Variants in BRD4 observed in about 807,000 individuals in gnomAD.
The protein encoded by BRD4 is bromodomain-containing protein 4.
In BRD4, 16 loss-of-function variants were observed where a neutral mutation model predicts 142.1. The observed-to-expected ratio is 0.11, with a 90% CI of 0.08 to 0.17. The LOEUF (loss-of-function observed/expected upper bound fraction) is 0.17, where lower values mean the gene tolerates loss of function less well. Ranked by LOEUF, BRD4 falls within the 10% of genes least tolerant of loss-of-function variation. BRD4 has a pLI of 1.00. For synonymous variants in BRD4, 833 were observed against 707.5 expected (o/e 1.18, Z -2.82); for missense variants, 1,424 against 1,810.9 (o/e 0.79, Z 3.88).
Position 15,239,745 on chromosome 19 carries a change from A to C in BRD4, c.3359T>G (p.Ile1120Ser). Residue 1120 changes from isoleucine (I) to serine (S), a missense_variant, in exon 16 of 20, where the codon ATC becomes AGC. Coordinates refer to ENST00000679869, the MANE Select transcript of BRD4 (RefSeq NM_001379291.1). The surrounding 1 kb of genome is among the most constrained non-coding windows in gnomAD (Gnocchi z 7.4). ...CGAGGGGCTGAAGGGCTCGCTGCGG[A>C]TGATGGGTGAGTGGATCTTCTCCTC... ...VKEEKIHSPI[I>S]RSEPFSPSLR... 1 of 1,608,262 alleles carries C rather than the reference A, an allele frequency of 6.2e-7. No homozygotes were observed. Among genetic ancestry groups the C allele is most frequent in the Non-Finnish European group, 8.5e-7 (1 of 1,179,710 alleles).
At chr19:15,264,910 G>A in intron 5 of BRD4, 144 bp from the exon 6 acceptor site, 1 of 1,315,838 alleles carries the variant, frequency 7.6e-7, no homozygotes, top group Non-Finnish European at 1.0e-6. Flanking sequence ...CAGGCAAAGG[G>A]CCAAGGACAG....
rs980573313 is a variant in BRD4 at position 15,280,176 on chromosome 19, G to A, written c.-34-7043C>T. On this transcript the variant is annotated intron_variant, in intron 1 of 19. Coordinates refer to ENST00000679869, the MANE Select transcript of BRD4 (RefSeq NM_001379291.1). ...TCATCATCATCCCCATGGGGACAGA[G>A]GCAGAGTGGATGGTGGCCTGGTTGG... The A allele has an allele frequency of 7.0e-6, 6 of 855,470 alleles. No individual in the cohort carries two copies. The African/African-American group carries it at 7.3e-5, about 10-fold the overall frequency. 53.0% of individuals were successfully genotyped at this position (855,470 alleles called of 1,614,324 possible). A position where few individuals can be genotyped will look rare whatever the true frequency, so the allele number is the denominator to read the frequency against.
chr19:15,246,949 G>T (rs567362636), intron 11 of BRD4: 1 of 176,698 alleles, frequency 5.7e-6, no homozygotes. Flanking sequence ...TTGTGTCAGA[G>T]TTACCAGTAA....
At chr19:15,325,256 GC>G (rs2048097443) in intron 1 of BRD4, among the ~76,000 whole-genome samples, 1 of 152,218 alleles carries the variant, frequency 6.6e-6, no homozygotes, top group Non-Finnish European at 1.5e-5. Flanking sequence ...AGGTAGCAGG[GC>G]CAGGATTCTA....
At chr19:15,262,475 G>A (rs10415291) in intron 7 of BRD4, among the ~76,000 whole-genome samples, 1,756 of 146,832 alleles carry the variant, frequency 0.012, 32 homozygotes, top group African/African-American at 0.042. Flanking sequence ...GATCACTTAA[G>A]CCCAGGGGTT....
At chr19:15,328,146 G>A (rs1007563481) in intron 1 of BRD4, among the ~76,000 whole-genome samples, 11 of 152,082 alleles carry the variant, frequency 7.2e-5, no homozygotes, top group African/African-American at 2.4e-5. Flanking sequence ...TAAAGACTAC[G>A]CATATTAAAG....
chr19:15,331,596 C>G (rs1327024719), intron 1 of BRD4, among the ~76,000 whole-genome samples: 1 of 152,210 alleles, frequency 6.6e-6, no homozygotes, highest in Non-Finnish European at 1.5e-5. Context: ...GACCGGCGTG[C>G]AGCCGCAGCC....
intron 7 of BRD4, among the ~76,000 whole-genome samples, chr19:15,259,394 T>C (rs1251925643): frequency 6.6e-6 from 1 of 152,182 alleles, no homozygotes; most frequent in Non-Finnish European, 1.5e-5. Flanking sequence ...GTGATGACTG[T>C]TGGGTAAATG....
intron 1 of BRD4, among the ~76,000 whole-genome samples, chr19:15,328,498 A>G (rs1025864909): frequency 6.6e-6 from 1 of 152,194 alleles, no homozygotes; most frequent in East Asian, 1.9e-4. Flanking sequence ...GCTCGGACTA[A>G]TAAGTTTACT....
chr19:15,251,946 AGAGCCTGG>A (rs962488012), intron 11 of BRD4, among the ~76,000 whole-genome samples: 71 of 152,354 alleles, frequency 4.7e-4, no homozygotes, highest in Non-Finnish European at 9.0e-4. Flanking sequence ...CTGGACCGCC[AGAGCCTGG>A]GAGCCTGGGA....
chr19:15,300,056 C>A (rs2047854872), intron 1 of BRD4, among the ~76,000 whole-genome samples: 1 of 151,874 alleles, frequency 6.6e-6, no homozygotes, highest in Non-Finnish European at 1.5e-5. Context: ...ACCAACTGGA[C>A]AACATAGTGA....
chr19:15,263,458 G>C lies in BRD4; in HGVS notation c.1303C>G (p.Pro435Ala), dbSNP rs1261919101. The change falls in exon 7 of 20, where the codon CCT becomes GCT. Residue 435 changes from proline (P) to alanine (A), a missense_variant. Pro to Ala is a conservative substitution (Grantham distance 27, BLOSUM62 -1). Coordinates refer to ENST00000679869, the MANE Select transcript of BRD4 (RefSeq NM_001379291.1). ...MFSNCYKYNP[P>A]DHEVVAMARK... is the part of the protein sequence containing the mutation. ...GCCATGGCCACCACCTCATGGTCAG[G>C]AGGGTTGTACTTATAGCAGTTGGAG... The C allele has an allele frequency of 6.2e-7, 1 of 1,614,210 alleles. No individual in the cohort carries two copies. Among genetic ancestry groups the C allele is most frequent in the South Asian group, 1.1e-5 (1 of 91,084 alleles).
At chr19:15,244,197 G>T in intron 13 of BRD4, 34 bp downstream of exon 13, 3 of 1,539,902 alleles carry the variant, frequency 1.9e-6, no homozygotes, top group Non-Finnish European at 2.6e-6. Flanking sequence ...GCAGGAAGGG[G>T]TCTCAACCCA....
At chr19:15,305,670 T>C (rs2047907782) in intron 1 of BRD4, among the ~76,000 whole-genome samples, 1 of 152,186 alleles carries the variant, frequency 6.6e-6, no homozygotes, top group South Asian at 2.1e-4. Flanking sequence ...TCCTTGGATA[T>C]TCAGAATGGC....
In BRD4 at chr19:15,235,571, A is replaced by C. The variant is rs983434832; in HGVS notation, c.*2806T>G. On this transcript the variant is annotated 3_prime_UTR_variant, in exon 20 of 20. Coordinates refer to ENST00000679869, the MANE Select transcript of BRD4 (RefSeq NM_001379291.1). ...TTTTTGCAATGAGAACTGCACAAAA[A>C]AAAAAAAAAACCTTTCGTATGTAAG... 1 of 152,132 alleles carries C rather than the reference A, an allele frequency of 6.6e-6. No homozygotes were observed. The highest frequency in any genetic ancestry group is 1.5e-5 in the Non-Finnish European group (1 of 68,030). 9.4% of individuals were successfully genotyped at this position (152,132 alleles called of 1,614,324 possible).
chr19:15,330,444 C>T (rs1486082881), intron 1 of BRD4, among the ~76,000 whole-genome samples: 1 of 152,128 alleles, frequency 6.6e-6, no homozygotes, highest in East Asian at 1.9e-4. Flanking sequence ...TAATCCCCAC[C>T]CAAATTAAAC....
chr19:15,269,530 T>G (rs572823844), intron 2 of BRD4, among the ~76,000 whole-genome samples: 5 of 152,284 alleles, frequency 3.3e-5, no homozygotes, highest in African/African-American at 1.2e-4. Context: ...CTGGCACTCC[T>G]GCCTCCTTGT....
intron 11 of BRD4, chr19:15,248,949 T>G: frequency 4.3e-6 from 2 of 463,424 alleles, no homozygotes; most frequent in East Asian, 3.6e-5. Flanking sequence ...ACCACATGAA[T>G]GCATGTGTTG....
rs900953513 is a variant in BRD4, at chr19:15,263,323, G to A, written c.1341+97C>T. ...AACATGGCATTATCCCAAGGAAAGT[G>A]ACAGAAAAAAAAACTCTGCCAAGGC... On this transcript the variant is annotated intron_variant, in intron 7 of 19. Coordinates refer to ENST00000679869, the MANE Select transcript of BRD4 (RefSeq NM_001379291.1). 10 of 1,430,668 alleles carry A rather than the reference G, an allele frequency of 7.0e-6. No individual in the cohort carries two copies. The African/African-American group carries it at 7.2e-5, about 10-fold the overall frequency. The allele number at this position is 1,430,668 out of a possible 1,614,324, so 88.6% of individuals were successfully genotyped here.
Sources: allele counts gnomAD v4.1 joint callset (sites outside exome capture counted in the v4.1 genomes callset), GRCh38; gene constraint gnomAD v4.1.1; non-coding constraint Gnocchi (gnomAD v3.1); transcripts MANE v1.5; gene names NCBI Gene and HGNC (gene_info 2026-07-23, HGNC 2026-07-21).